Variants in ST8SIA4 observed in about 807,000 individuals in gnomAD.
ST8SIA4 encodes CMP-N-acetylneuraminate-poly-alpha-2,8-sialyltransferase.
ST8SIA4 carries 15 observed loss-of-function variants against 33.9 expected under a neutral mutation model. The observed-to-expected ratio is 0.44, with a 90% CI of 0.30 to 0.68. The LOEUF (loss-of-function observed/expected upper bound fraction) is 0.68. ST8SIA4 is among the 30% of genes least tolerant of loss of function. The probability of loss-of-function intolerance (pLI) is 0.10; values close to 1 mark genes in which losing one functional copy is unlikely to be tolerated. For missense variants in ST8SIA4, 321 were observed against 428.0 expected, an observed-to-expected ratio of 0.75 and a Z score of 2.21; for synonymous variants, 171 against 151.2, an observed-to-expected ratio of 1.13 and a Z score of -0.96.
intron 3 of ST8SIA4, among the ~76,000 whole-genome samples, chr5:100,862,391 T>C (rs1392360968): frequency 6.6e-6 from 1 of 152,036 alleles, no homozygotes; most frequent in Non-Finnish European, 1.5e-5. Context: ...TTAAAATATT[T>C]ATTTCTTTAT....
intron 4 of ST8SIA4, among the ~76,000 whole-genome samples, chr5:100,836,995 AACACACACAC>A (rs143119843): frequency 3.4e-5 from 5 of 146,400 alleles, no homozygotes; most frequent in South Asian, 2.2e-4. Flanking sequence ...TTAGTGCTAA[AACACACACAC>A]ACACACACAC....
At chr5:100,824,290 A>C (rs746264464) in intron 4 of ST8SIA4, among the ~76,000 whole-genome samples, 5 of 152,230 alleles carry the variant, frequency 3.3e-5, no homozygotes, top group Non-Finnish European at 7.4e-5. Flanking sequence ...CAAGAGAAGA[A>C]TCTAGGGTAT....
intron 3 of ST8SIA4, among the ~76,000 whole-genome samples, chr5:100,877,130 T>A (rs1752323142): frequency 6.6e-6 from 1 of 152,042 alleles, no homozygotes; most frequent in Non-Finnish European, 1.5e-5. Flanking sequence ...TCAACAAATT[T>A]ACTGTGTTAA....
At position 100,856,409 on chromosome 5, in the gene ST8SIA4, AAATT is replaced by A. The variant is rs1233587362; in HGVS notation, c.504-17_504-14del. 1.9e-6 allele frequency: 3 copies of A among 1,594,418 alleles called. No individual in the cohort carries two copies. In the East Asian group the frequency reaches 6.7e-5, roughly 36 times the overall value. On this transcript the variant is annotated splice_polypyrimidine_tract_variant and intron_variant, in intron 3 of 4. Transcript: ENST00000231461. ...AGCTAGATTACACCTGAAGAGGAAAAAATTAATGGGACAAATGAAAAAAAAAGAA... is the reference window on the plus strand; with the variant it reads ...AGCTAGATTACACCTGAAGAGGAAAAAATGGGACAAATGAAAAAAAAAGAA...
Position 100,886,326 on chromosome 5 carries a change from A to C in ST8SIA4, c.503+17T>G. On this transcript the variant is annotated intron_variant, in intron 3 of 4. Transcript: ENST00000231461. Reference sequence around the variant, plus strand: ...CTTTGAAAAACTTACAATCTCAAAAAGCAGAAGAAAGCTCACCTTATTACA... The same window carrying C: ...CTTTGAAAAACTTACAATCTCAAAACGCAGAAGAAAGCTCACCTTATTACA... The C allele has an allele frequency of 1.9e-6, 3 of 1,601,218 alleles. No individual in the cohort carries two copies. Among genetic ancestry groups the C allele is most frequent in the Non-Finnish European group, 2.6e-6 (3 of 1,171,688 alleles).
intron 3 of ST8SIA4, among the ~76,000 whole-genome samples, chr5:100,868,291 CAG>C (rs1169928799): frequency 6.6e-6 from 1 of 152,028 alleles, no homozygotes; most frequent in Non-Finnish European, 1.5e-5. Context: ...CAGAAAATGA[CAG>C]TGTTCCTTGA....
At chr5:100,846,731 C>G (rs1218207986) in intron 4 of ST8SIA4, among the ~76,000 whole-genome samples, 3 of 152,072 alleles carry the variant, frequency 2.0e-5, no homozygotes, top group Non-Finnish European at 4.4e-5. Flanking sequence ...AGCTTAACTA[C>G]TCTTCCAAAG....
At position 100,807,484 on chromosome 5, in the gene ST8SIA4, T is replaced by C. The variant is rs1215716665; in HGVS notation, c.*4363A>G. 2 of 152,570 alleles carry C rather than the reference T, an allele frequency of 1.3e-5. No homozygotes were observed. The highest frequency in any genetic ancestry group is 1.9e-4 in the East Asian group (1 of 5,202). The allele number at this position is 152,570 out of a possible 1,614,324, so 9.5% of individuals were successfully genotyped here. On this transcript the variant is annotated 3_prime_UTR_variant, in exon 5 of 5. Coordinates refer to ENST00000231461, the MANE Select transcript of ST8SIA4 (RefSeq NM_005668.6). ...AGAAACGGTTTTTATTAAAAGGTGC[T>C]ACTTAAATGAGAAACACAAGGCCTG... is the stretch of plus-strand genomic sequence containing the variant.
At chr5:100,878,610 T>C (rs1368578568) in intron 3 of ST8SIA4, among the ~76,000 whole-genome samples, 1 of 152,166 alleles carries the variant, frequency 6.6e-6, no homozygotes, top group Non-Finnish European at 1.5e-5. Flanking sequence ...TGCTTATTGC[T>C]TCCTACAATA....
At chr5:100,824,668 AG>A (rs1055285164) in intron 4 of ST8SIA4, among the ~76,000 whole-genome samples, 1 of 152,106 alleles carries the variant, frequency 6.6e-6, no homozygotes, top group African/African-American at 2.4e-5. Context: ...AAAAAGGTGG[AG>A]GGGGGCAAGG....
At position 100,831,482 on chromosome 5, in the gene ST8SIA4, T is replaced by A. The variant is rs188343661; in HGVS notation, c.798-19353A>T. On this transcript the variant is annotated intron_variant, in intron 4 of 4. Coordinates refer to ENST00000231461, the MANE Select transcript of ST8SIA4 (RefSeq NM_005668.6). ...CCTGGATTCTTAACCAGATTTTTTTTAATTCTTTTTGAGGCACAATTCTTT... is the reference window on the plus strand; with the variant it reads ...CCTGGATTCTTAACCAGATTTTTTTAAATTCTTTTTGAGGCACAATTCTTT... Among the ~76,000 whole-genome samples, 611 of 152,328 alleles carry A rather than the reference T, an allele frequency of 4.0e-3. 5 individuals are homozygous for A. The highest frequency in any genetic ancestry group is 0.014 in the South Asian group (66 of 4,822).
At chr5:100,879,522 G>C (rs1032839519) in intron 3 of ST8SIA4, among the ~76,000 whole-genome samples, 8 of 152,074 alleles carry the variant, frequency 5.3e-5, no homozygotes, top group African/African-American at 1.7e-4. Flanking sequence ...TAGAGATGAC[G>C]ATAGTTTAGA....
At chr5:100,856,532 G>C in intron 3 of ST8SIA4, 136 bp from the exon 4 acceptor site, 1 of 812,318 alleles carries the variant, frequency 1.2e-6, no homozygotes, top group Non-Finnish European at 1.9e-6. Context: ...TCATCTACTT[G>C]GTAAGATTAC....
chr5:100,860,980 A>T (rs922152650), intron 3 of ST8SIA4, among the ~76,000 whole-genome samples: 1 of 152,202 alleles, frequency 6.6e-6, no homozygotes, highest in African/African-American at 2.4e-5. Flanking sequence ...TATACCTCAG[A>T]TCTCTTGATA....
chr5:100,841,533 A>C lies in ST8SIA4; in HGVS notation c.797+14570T>G, dbSNP rs201172783. Among the ~76,000 whole-genome samples, 3 of 152,010 alleles carry C rather than the reference A, an allele frequency of 2.0e-5. No homozygotes were observed. The East Asian group carries it at 5.8e-4, about 29-fold the overall frequency. ...TCTAGAGGGTATTTAAACACTAGAA[A>C]ATTCTGTAGCGCAGTTATTGAGCTC... On this transcript the variant is annotated intron_variant, in intron 4 of 4. Coordinates refer to ENST00000231461, the MANE Select transcript of ST8SIA4 (RefSeq NM_005668.6).
At chr5:100,834,378 A>G (rs1472976069) in intron 4 of ST8SIA4, among the ~76,000 whole-genome samples, 1 of 152,208 alleles carries the variant, frequency 6.6e-6, no homozygotes, top group Non-Finnish European at 1.5e-5. Context: ...AAATATTTTT[A>G]TCTATGAAAA....
intron 4 of ST8SIA4, among the ~76,000 whole-genome samples, chr5:100,817,109 A>ATTTTTTTTTTTTTTTTTTTTTTTT (rs57222657): frequency 2.7e-5 from 2 of 74,328 alleles, no homozygotes; most frequent in Non-Finnish European, 2.2e-5. Context: ...CACCCAGCTA[A>ATTTTTTTTTTTTTTTTTTTTTTTT]TTTTTTTTTT....
At chr5:100,832,049 G>C (rs1386241271) in intron 4 of ST8SIA4, among the ~76,000 whole-genome samples, 1 of 151,982 alleles carries the variant, frequency 6.6e-6, no homozygotes, top group African/African-American at 2.4e-5. Context: ...ATCTAGTTTA[G>C]TTTAAATGCT....
At chr5:100,902,810 T>C (rs1425734938) in intron 1 of ST8SIA4, 33 bp downstream of exon 1, 1 of 1,552,520 alleles carries the variant, frequency 6.4e-7, no homozygotes, top group East Asian at 2.2e-5. Flanking sequence ...GCTTGACTTT[T>C]TGTCATATCC....
Sources: gnomAD v4.1 joint callset for allele counts (sites outside exome capture counted in the v4.1 genomes callset) on GRCh38, gnomAD v4.1.1 for gene constraint, MANE v1.5 for transcripts, NCBI Gene and HGNC (gene_info 2026-07-23, HGNC 2026-07-21) for gene names.